Variants in DRC11 observed in about 807,000 individuals in gnomAD.
DRC11 encodes IQ and AAA domain-containing protein 1.
chr2:236,359,631 T>A, the DRC11 span, among the ~76,000 whole-genome samples: 1 of 152,170 alleles, frequency 6.6e-6, no homozygotes, highest in Non-Finnish European at 1.5e-5. The surrounding 1 kb of genome is among the most constrained non-coding windows in gnomAD (Gnocchi z 4.3). Context: ...CCACAGCCCG[T>A]GTTCTGCAGC....
At chr2:236,354,191 AAT>A in the DRC11 span, among the ~76,000 whole-genome samples, 1 of 87,842 alleles carries the variant, frequency 1.1e-5, no homozygotes, top group African/African-American at 5.1e-5. Flanking sequence ...GTCTGTGGTC[AAT>A]GTGTGTGTGT....
chr2:236,459,535 G>GTATATATGTGTATACATACGTA, the DRC11 span, among the ~76,000 whole-genome samples: 3,078 of 105,344 alleles, frequency 0.029, 93 homozygotes, highest in Non-Finnish European at 0.039. Flanking sequence ...ACATGTATAC[G>GTATATATGTGTATACATACGTA]TATACGTATA....
At chr2:236,497,325 A>G in the DRC11 span, 1 of 1,613,966 alleles carries the variant, frequency 6.2e-7, no homozygotes, top group East Asian at 2.2e-5. The surrounding 1 kb of genome is among the most constrained non-coding windows in gnomAD (Gnocchi z 5.1). Context: ...GGTCGTAGAC[A>G]TTCTCTAGGT....
the DRC11 span, among the ~76,000 whole-genome samples, chr2:236,330,092 T>A: frequency 6.6e-6 from 1 of 152,216 alleles, no homozygotes; most frequent in South Asian, 2.1e-4. This position sits in a 1 kb window ranked among gnomAD's most constrained non-coding sequence, Gnocchi z 5.5. Context: ...TGATGTATCA[T>A]TTGAAGAGGA....
chr2:236,313,832 C>A, the DRC11 span, among the ~76,000 whole-genome samples: 1 of 150,946 alleles, frequency 6.6e-6, no homozygotes, highest in East Asian at 2.0e-4. This position sits in a 1 kb window ranked among gnomAD's most constrained non-coding sequence, Gnocchi z 4.5. Context: ...ACGTTTATTC[C>A]ATTTATAGAA....
the DRC11 span, among the ~76,000 whole-genome samples, chr2:236,425,970 C>T: frequency 6.6e-6 from 1 of 151,988 alleles, no homozygotes; most frequent in Non-Finnish European, 1.5e-5. Context: ...TCTGGGCTCT[C>T]TCTTCTGTTC....
the DRC11 span, among the ~76,000 whole-genome samples, chr2:236,435,869 G>A: frequency 1.3e-5 from 2 of 152,152 alleles, no homozygotes; most frequent in Non-Finnish European, 2.9e-5. Flanking sequence ...AAAGGATGTT[G>A]ACCTCTGGCC....
At chr2:236,378,579 G>A in the DRC11 span, among the ~76,000 whole-genome samples, 2 of 151,984 alleles carry the variant, frequency 1.3e-5, no homozygotes, top group South Asian at 2.1e-4. Context: ...GGAGGCTGAG[G>A]CAGGAGAATC....
the DRC11 span, among the ~76,000 whole-genome samples, chr2:236,414,813 A>G: frequency 6.6e-6 from 1 of 152,214 alleles, no homozygotes; most frequent in East Asian, 1.9e-4. Context: ...AAAAGATCAA[A>G]TGCAGGCAAG....
At chr2:236,367,963 G>T in the DRC11 span, 1 of 556,650 alleles carries the variant, frequency 1.8e-6, no homozygotes. The surrounding 1 kb of genome is among the most constrained non-coding windows in gnomAD (Gnocchi z 4.8). Flanking sequence ...ATGTCCTTCA[G>T]CCCAGCACTG....
At chr2:236,361,513 T>C in the DRC11 span, among the ~76,000 whole-genome samples, 1 of 152,110 alleles carries the variant, frequency 6.6e-6, no homozygotes, top group Non-Finnish European at 1.5e-5. This position sits in a 1 kb window ranked among gnomAD's most constrained non-coding sequence, Gnocchi z 5.7. Context: ...AGATGTAAAA[T>C]GTATAATAAG....
At chr2:236,326,788 TTTG>T in the DRC11 span, among the ~76,000 whole-genome samples, 7 of 146,732 alleles carry the variant, frequency 4.8e-5, no homozygotes, top group African/African-American at 1.5e-4. Flanking sequence ...GATTTTCAGA[TTTG>T]TTGTGTGTGT....
At chr2:236,354,751 G>A in the DRC11 span, among the ~76,000 whole-genome samples, 1 of 152,196 alleles carries the variant, frequency 6.6e-6, no homozygotes, top group Admixed American at 6.5e-5. Context: ...TTGACAGCCT[G>A]CAGAGTGTGT....
chr2:236,357,245 A>G, the DRC11 span, among the ~76,000 whole-genome samples: 1 of 109,402 alleles, frequency 9.1e-6, no homozygotes. Flanking sequence ...ATATTCATAT[A>G]GTATATATCT....
the DRC11 span, among the ~76,000 whole-genome samples, chr2:236,344,183 T>C: frequency 6.6e-6 from 1 of 152,192 alleles, no homozygotes; most frequent in Non-Finnish European, 1.5e-5. Flanking sequence ...GGGTCTTTGT[T>C]CATCAATTGT....
chr2:236,390,173 T>C, the DRC11 span, among the ~76,000 whole-genome samples: 1 of 152,250 alleles, frequency 6.6e-6, no homozygotes, highest in Non-Finnish European at 1.5e-5. This position sits in a 1 kb window ranked among gnomAD's most constrained non-coding sequence, Gnocchi z 5.9. Context: ...AAGGTGTATA[T>C]ATAATTGTTA....
chr2:236,401,799 C>T, the DRC11 span, among the ~76,000 whole-genome samples: 4 of 151,754 alleles, frequency 2.6e-5, no homozygotes, highest in South Asian at 2.1e-4. The surrounding 1 kb of genome is among the most constrained non-coding windows in gnomAD (Gnocchi z 4.6). Context: ...TTAATGGGTA[C>T]GGGGTCTCCT....
chr2:236,368,542 T>C, the DRC11 span: 2 of 463,580 alleles, frequency 4.3e-6, no homozygotes, highest in East Asian at 7.9e-5. Flanking sequence ...ATGTTGACTA[T>C]TATATTAGCC....
the DRC11 span, among the ~76,000 whole-genome samples, chr2:236,484,589 C>T: frequency 1.3e-5 from 2 of 149,836 alleles, no homozygotes; most frequent in African/African-American, 2.5e-5. Context: ...ATACTTTGCT[C>T]ATATTCTTGG....
Sources: gnomAD v4.1 joint callset for allele counts (sites outside exome capture counted in the v4.1 genomes callset) on GRCh38, gnomAD v4.1.1 for gene constraint, Gnocchi (gnomAD v3.1) non-coding constraint, MANE v1.5 for transcripts, NCBI Gene and HGNC (gene_info 2026-07-23, HGNC 2026-07-21) for gene names.